Variants in EPHA6 observed in about 807,000 individuals in gnomAD.
The protein encoded by EPHA6 is ephrin type-A receptor 6.
Under a neutral mutation model 112.0 loss-of-function variants are expected in EPHA6, and 50 were observed. The ratio of observed to expected loss-of-function variants is 0.45; its 90% CI spans 0.36 to 0.56. The LOEUF (loss-of-function observed/expected upper bound fraction) is 0.56. Ranked by LOEUF, EPHA6 falls within the 20% of genes least tolerant of loss-of-function variation. The probability of loss-of-function intolerance (pLI) is 0.00; values close to 1 mark genes in which losing one functional copy is unlikely to be tolerated. For synonymous variants in EPHA6, 529 were observed against 490.7 expected, an observed-to-expected ratio of 1.08 and a Z score of -1.03; for missense variants, 1,280 against 1,417.4, an observed-to-expected ratio of 0.90 and a Z score of 1.56.
chr3:97,521,593 G>C (rs2092543894), intron 10 of EPHA6, among the ~76,000 whole-genome samples: 1 of 152,034 alleles, frequency 6.6e-6, no homozygotes, highest in South Asian at 2.1e-4. Context: ...AACAGCATGG[G>C]GAAAACCACC....
intron 3 of EPHA6, among the ~76,000 whole-genome samples, chr3:97,156,343 A>G (rs957763615): frequency 6.6e-6 from 1 of 152,184 alleles, no homozygotes; most frequent in African/African-American, 2.4e-5. Context: ...AATTTTAGAT[A>G]CAAATAAATA....
intron 5 of EPHA6, among the ~76,000 whole-genome samples, chr3:97,251,295 C>A (rs1438211780): frequency 2.6e-5 from 4 of 152,034 alleles, no homozygotes; most frequent in Non-Finnish European, 5.9e-5. Context: ...CTTTGGGAGG[C>A]CGAGGCAGGC....
chr3:96,983,196 G>T (rs1342951811), intron 2 of EPHA6, among the ~76,000 whole-genome samples: 1 of 152,114 alleles, frequency 6.6e-6, no homozygotes, highest in East Asian at 1.9e-4. Flanking sequence ...GGTACCGGTT[G>T]TTCCTTTCTA....
chr3:97,124,611 C>G (rs1330579354), intron 3 of EPHA6, among the ~76,000 whole-genome samples: 1 of 152,144 alleles, frequency 6.6e-6, no homozygotes, highest in Non-Finnish European at 1.5e-5. Flanking sequence ...AATACCTTGT[C>G]ACAAATTACC....
At chr3:97,615,895 C>T (rs2093761828) in intron 13 of EPHA6, among the ~76,000 whole-genome samples, 2 of 152,112 alleles carry the variant, frequency 1.3e-5, no homozygotes, top group Non-Finnish European at 2.9e-5. Flanking sequence ...GTGGTTACAG[C>T]TTCCGGGCTT....
At chr3:96,887,241 G>A (rs1272996259) in intron 2 of EPHA6, among the ~76,000 whole-genome samples, 1 of 152,124 alleles carries the variant, frequency 6.6e-6, no homozygotes, top group Non-Finnish European at 1.5e-5. Context: ...AGGTTCTAAG[G>A]CTGAAGGCTG....
At chr3:97,577,428 ACTTT>A (rs1277356306) in intron 11 of EPHA6, among the ~76,000 whole-genome samples, 1 of 152,142 alleles carries the variant, frequency 6.6e-6, no homozygotes, top group Non-Finnish European at 1.5e-5. Context: ...GATTTGTGAA[ACTTT>A]CTTTCCTTCC....
chr3:97,445,764 GA>G lies in EPHA6; in HGVS notation c.1732-2797del, dbSNP rs574858841. On this transcript the variant is annotated intron_variant, in intron 6 of 17. Coordinates refer to ENST00000389672, the MANE Select transcript of EPHA6 (RefSeq NM_001080448.3). ...TCAAACCTCTGGAAAGCTTGATCAT[GA>G]AAAAAAGAAATTATAAAAATAAATA... Among the ~76,000 whole-genome samples, 1,245 of 151,340 alleles carry G rather than the reference GA, an allele frequency of 8.2e-3. 13 individuals are homozygous for G. Among genetic ancestry groups the G allele is most frequent in the African/African-American group, 0.027 (1,109 of 41,366 alleles).
chr3:96,918,410 C>G (rs924655356), intron 2 of EPHA6, among the ~76,000 whole-genome samples: 1 of 152,036 alleles, frequency 6.6e-6, no homozygotes, highest in Admixed American at 6.6e-5. Flanking sequence ...AGAAGTTGTA[C>G]TGTTAGTGAC....
chr3:97,553,407 T>A (rs2093057015), intron 11 of EPHA6, among the ~76,000 whole-genome samples: 1 of 152,074 alleles, frequency 6.6e-6, no homozygotes, highest in African/African-American at 2.4e-5. Flanking sequence ...TTATTTTATA[T>A]GTTTTGGATA....
At chr3:97,181,429 T>A (rs1017414364) in intron 3 of EPHA6, among the ~76,000 whole-genome samples, 2 of 152,090 alleles carry the variant, frequency 1.3e-5, no homozygotes, top group Non-Finnish European at 2.9e-5. Context: ...ACTGGAATTT[T>A]CTATTTCACA....
chr3:97,751,196 A>G lies in EPHA6; in HGVS notation c.*2495A>G, dbSNP rs2035892321. 6.6e-6 allele frequency among the ~76,000 whole-genome samples: 1 copy of G among 152,158 alleles called. No individual in the cohort carries two copies. On this transcript the variant is annotated 3_prime_UTR_variant, in exon 18 of 18. Coordinates refer to ENST00000389672, the MANE Select transcript of EPHA6 (RefSeq NM_001080448.3). ...ACCTTGAAATAAATTCTATTAAGTT[A>G]TTTAAATTTCTATGGGATGAGCATT... is the stretch of plus-strand genomic sequence containing the variant.
At chr3:97,424,476 G>A (rs1211942114) in intron 6 of EPHA6, among the ~76,000 whole-genome samples, 3 of 152,010 alleles carry the variant, frequency 2.0e-5, no homozygotes, top group African/African-American at 7.3e-5. Context: ...CTGAGACAAG[G>A]CAAGTCCCTT....
intron 6 of EPHA6, among the ~76,000 whole-genome samples, chr3:97,414,270 C>T (rs1171534053): frequency 1.3e-5 from 2 of 151,988 alleles, no homozygotes; most frequent in East Asian, 3.9e-4. Flanking sequence ...TTAATAAAGG[C>T]ATGGCTAAAC....
intron 11 of EPHA6, among the ~76,000 whole-genome samples, chr3:97,551,527 G>C (rs1330799007): frequency 3.3e-5 from 5 of 152,008 alleles, no homozygotes; most frequent in African/African-American, 1.2e-4. Flanking sequence ...AAAATAATGT[G>C]TTGACCTTTC....
At chr3:97,654,065 C>T (rs536407499) in intron 14 of EPHA6, among the ~76,000 whole-genome samples, 95 of 151,880 alleles carry the variant, frequency 6.3e-4, no homozygotes, top group Non-Finnish European at 8.8e-4. Context: ...ATACACAATA[C>T]TAAATTTAAC....
At chr3:96,922,631 C>T (rs1185771953) in intron 2 of EPHA6, among the ~76,000 whole-genome samples, 1 of 151,918 alleles carries the variant, frequency 6.6e-6, no homozygotes, top group Non-Finnish European at 1.5e-5. Context: ...CAAAGCAATG[C>T]AATTCATTCC....
At chr3:96,817,476 A>C (rs2107197985) in intron 1 of EPHA6, among the ~76,000 whole-genome samples, 1 of 152,056 alleles carries the variant, frequency 6.6e-6, no homozygotes, top group Middle Eastern at 3.4e-3. Flanking sequence ...GTAAAATATA[A>C]ATTTGATTTA....
At chr3:97,654,245 T>A (rs922368563) in intron 14 of EPHA6, among the ~76,000 whole-genome samples, 2 of 151,932 alleles carry the variant, frequency 1.3e-5, no homozygotes, top group Non-Finnish European at 2.9e-5. Context: ...ATACCTTATA[T>A]ATAGATAATT....
Sources: gnomAD v4.1 joint callset for allele counts (sites outside exome capture counted in the v4.1 genomes callset) on GRCh38, gnomAD v4.1.1 for gene constraint, MANE v1.5 for transcripts, NCBI Gene and HGNC (gene_info 2026-07-23, HGNC 2026-07-21) for gene names.